Variants in SFMBT2 observed in about 807,000 individuals in gnomAD.
SFMBT2 encodes the protein Scm like with four mbt domains 2.
A neutral mutation model predicts 110.1 loss-of-function variants in SFMBT2; 38 were observed. That is an observed-to-expected ratio of 0.35 (90% confidence interval 0.27 to 0.45). The LOEUF is 0.45. Ranked by LOEUF, SFMBT2 falls within the 20% of genes least tolerant of loss-of-function variation. The pLI, the probability that SFMBT2 is intolerant of heterozygous loss-of-function variation, is 1.00. For missense variants in SFMBT2, 1,011 were observed against 1,094.9 expected, an observed-to-expected ratio of 0.92 and a Z score of 1.08; for synonymous variants, 425 against 425.4, an observed-to-expected ratio of 1.00 and a Z score of 0.01.
chr10:7,172,693 GC>G lies in SFMBT2; in HGVS notation c.1985-33del. 6.3e-7 allele frequency: 1 copy of G among 1,594,708 alleles called. No homozygotes were observed. The highest frequency in any genetic ancestry group is 8.6e-7 in the Non-Finnish European group (1 of 1,167,988). ...GAAGGAAGATGAGAAACTTTTGAAG[GC>G]TATACACACACACAGACATGAACAG... On this transcript the variant is annotated intron_variant, in intron 17 of 20. Transcript: ENST00000397167. The surrounding 1 kb of genome is among the most constrained non-coding windows in gnomAD (Gnocchi z 4.6).
rs148563907 is a variant in SFMBT2, at chr10:7,188,920, T to C, written c.1699-187A>G. Among the ~76,000 whole-genome samples, 9 of 152,328 alleles carry C rather than the reference T, an allele frequency of 5.9e-5. No individual in the cohort carries two copies. The East Asian group carries it at 1.7e-3, about 29-fold the overall frequency. On this transcript the variant is annotated intron_variant, in intron 15 of 20. Coordinates refer to ENST00000397167, the MANE Select transcript of SFMBT2 (RefSeq NM_001387889.1). ...TAACACTGAGTTGTTTCACCATCCA[T>C]GGACAAAAAGCGTGGTAAAATACAA...
rs145449496 is a variant in SFMBT2, at chr10:7,338,824, G to A, written c.436+28825C>T. Reference sequence around the variant, plus strand: ...GACACATCCTCCCTAAGTCAGTCCTGCATGCAGTCTGCACTCTTCCCAGGT... The same window carrying A: ...GACACATCCTCCCTAAGTCAGTCCTACATGCAGTCTGCACTCTTCCCAGGT... On this transcript the variant is annotated intron_variant, in intron 4 of 20. Coordinates refer to ENST00000397167, the MANE Select transcript of SFMBT2 (RefSeq NM_001387889.1). 5.8e-3 allele frequency among the ~76,000 whole-genome samples: 886 copies of A among 152,288 alleles called. 6 individuals are homozygous for A. The highest frequency in any genetic ancestry group is 0.019 in the African/African-American group (807 of 41,562).
chr10:7,391,019 G>A (rs150353734), intron 1 of SFMBT2, among the ~76,000 whole-genome samples: 4 of 152,140 alleles, frequency 2.6e-5, no homozygotes, highest in African/African-American at 7.2e-5. Flanking sequence ...AGAATCACTT[G>A]AACCTGAGAG....
At chr10:7,348,228 G>A in intron 4 of SFMBT2, 4 of 1,418,258 alleles carry the variant, frequency 2.8e-6, no homozygotes, top group Non-Finnish European at 3.8e-6. Context: ...AGGTTCGTGT[G>A]GGATCGGGGA....
chr10:7,177,541 A>G (rs1019769994), intron 16 of SFMBT2, among the ~76,000 whole-genome samples: 4 of 152,094 alleles, frequency 2.6e-5, no homozygotes, highest in African/African-American at 9.7e-5. Context: ...AAGGGTGGGG[A>G]CCTAATCCCA....
intron 16 of SFMBT2, among the ~76,000 whole-genome samples, chr10:7,183,506 G>A (rs915349262): frequency 7.2e-5 from 11 of 152,210 alleles, no homozygotes; most frequent in Middle Eastern, 3.2e-3. Flanking sequence ...CAAGATAGTT[G>A]AGATTCGACA....
At chr10:7,347,776 C>A (rs1258887133) in intron 4 of SFMBT2, among the ~76,000 whole-genome samples, 3 of 152,100 alleles carry the variant, frequency 2.0e-5, no homozygotes, top group African/African-American at 7.2e-5. Flanking sequence ...AGGGCCACGG[C>A]CAATTATGGT....
intron 10 of SFMBT2, 61 bp downstream of exon 10, chr10:7,227,794 A>G: frequency 6.8e-7 from 1 of 1,470,420 alleles, no homozygotes; most frequent in Non-Finnish European, 9.4e-7. Flanking sequence ...AGCAAGTTAT[A>G]AAACTTACGG....
chr10:7,344,754 C>G (rs945508017), intron 4 of SFMBT2, among the ~76,000 whole-genome samples: 2 of 151,862 alleles, frequency 1.3e-5, no homozygotes, highest in Non-Finnish European at 2.9e-5. Flanking sequence ...ATCATGAGGT[C>G]AGGAGATCGA....
chr10:7,262,447 C>T (rs1564410495), intron 7 of SFMBT2, among the ~76,000 whole-genome samples: 1 of 152,100 alleles, frequency 6.6e-6, no homozygotes, highest in Non-Finnish European at 1.5e-5. Context: ...GATGTATCCC[C>T]TTTGCACACC....
At chr10:7,195,144 G>A (rs527278528) in intron 15 of SFMBT2, among the ~76,000 whole-genome samples, 33 of 152,232 alleles carry the variant, frequency 2.2e-4, no homozygotes, top group Non-Finnish European at 4.1e-4. Flanking sequence ...TCCATTCACA[G>A]ACTGACAGCT....
At chr10:7,236,766 C>T (rs1440096742) in intron 9 of SFMBT2, among the ~76,000 whole-genome samples, 1 of 151,998 alleles carries the variant, frequency 6.6e-6, no homozygotes, top group African/African-American at 2.4e-5. Context: ...GGAAAGATGG[C>T]TGTTTGACTA....
At chr10:7,165,109 C>T (rs993055782) in intron 20 of SFMBT2, among the ~76,000 whole-genome samples, 3 of 152,096 alleles carry the variant, frequency 2.0e-5, no homozygotes, top group South Asian at 2.1e-4. Context: ...TGATCTCAAT[C>T]GTCCAGAGGG....
In SFMBT2 at chr10:7,170,903, A is replaced by C. The variant is rs771928501; in HGVS notation, c.2544+25T>G. 1 of 1,613,798 alleles carries C rather than the reference A, an allele frequency of 6.2e-7. No homozygotes were observed. The highest frequency in any genetic ancestry group is 8.5e-7 in the Non-Finnish European group (1 of 1,179,844). On this transcript the variant is annotated intron_variant, in intron 20 of 20. Transcript: ENST00000397167. This position sits in a 1 kb window ranked among gnomAD's most constrained non-coding sequence, Gnocchi z 4.6. ...GATGCAGAGTCTCAGCACATCAAAC[A>C]ATCGACACGCGGCAACCACCGTACC...
intron 2 of SFMBT2, among the ~76,000 whole-genome samples, chr10:7,376,727 CAAAAAAAAA>C (rs35816107): frequency 4.5e-5 from 2 of 44,734 alleles, no homozygotes; most frequent in African/African-American, 2.0e-4. Context: ...GGCCCTCCCA[CAAAAAAAAA>C]AAAAAAAAAA....
chr10:7,238,756 G>A (rs1438824747), intron 9 of SFMBT2, among the ~76,000 whole-genome samples: 1 of 152,136 alleles, frequency 6.6e-6, no homozygotes, highest in Non-Finnish European at 1.5e-5. Flanking sequence ...AAAAGTTCCT[G>A]GGTGGAACTT....
In SFMBT2 at chr10:7,228,341, T is replaced by A. The variant is rs76387175; in HGVS notation, c.1121-404A>T. 3.9e-3 allele frequency: 3,103 copies of A among 799,714 alleles called. 47 individuals are homozygous for A. In the African/African-American group the frequency reaches 0.049, roughly 13 times the overall value. 49.5% of individuals were successfully genotyped at this position (799,714 alleles called of 1,614,324 possible). Reference sequence around the variant, plus strand: ...GGGAGCTTACTTTTCGGTGTCTTTATGGAAAACATGAGATTTTACTGGGAA... The same window carrying A: ...GGGAGCTTACTTTTCGGTGTCTTTAAGGAAAACATGAGATTTTACTGGGAA... On this transcript the variant is annotated intron_variant, in intron 9 of 20. Transcript: ENST00000397167.
At chr10:7,303,735 T>G (rs1842618932) in intron 4 of SFMBT2, among the ~76,000 whole-genome samples, 1 of 152,190 alleles carries the variant, frequency 6.6e-6, no homozygotes. Flanking sequence ...AAATTCTTAT[T>G]TCTTTAGAAT....
At chr10:7,268,159 A>G (rs1284972439) in intron 7 of SFMBT2, among the ~76,000 whole-genome samples, 1 of 152,228 alleles carries the variant, frequency 6.6e-6, no homozygotes, top group African/African-American at 2.4e-5. Flanking sequence ...AATTACTGAT[A>G]GGCTTTTATT....
Sources: allele counts gnomAD v4.1 joint callset (sites outside exome capture counted in the v4.1 genomes callset), GRCh38; gene constraint gnomAD v4.1.1; non-coding constraint Gnocchi (gnomAD v3.1); transcripts MANE v1.5; gene names NCBI Gene and HGNC (gene_info 2026-07-23, HGNC 2026-07-21).